The following KIFC3 variants were observed in gnomAD, a reference collection of about 807,000 sequenced individuals.
KIFC3 encodes the protein kinesin-like protein KIFC3.
A neutral mutation model predicts 101.8 loss-of-function variants in KIFC3; 60 were observed. That is an observed-to-expected ratio of 0.59 (90% CI 0.48 to 0.73). The LOEUF (loss-of-function observed/expected upper bound fraction) is 0.73. Ranked by LOEUF, KIFC3 falls within the 30% of genes least tolerant of loss-of-function variation. KIFC3 has a pLI of 0.00. For synonymous variants in KIFC3, 476 were observed against 482.7 expected (o/e 0.99, Z 0.18); for missense variants, 966 against 1,137.1 (o/e 0.85, Z 2.16).
At chr16:57,857,156 T>C (rs368696039) in intron 1 of KIFC3, among the ~76,000 whole-genome samples, 1 of 152,176 alleles carries the variant, frequency 6.6e-6, no homozygotes, top group African/African-American at 2.4e-5. Flanking sequence ...TCTCCCTGTG[T>C]GCTGTGTGTC....
chr16:57,862,853 T>C, exon 1 of KIFC3: 1 of 1,217,896 alleles, frequency 8.2e-7, no homozygotes, highest in Non-Finnish European at 1.1e-6. Flanking sequence ...AGCAATACGT[T>C]TTACTGGGTT....
intron 1 of KIFC3, among the ~76,000 whole-genome samples, chr16:57,854,815 G>A (rs79083682): frequency 6.6e-6 from 1 of 152,064 alleles, no homozygotes; most frequent in Non-Finnish European, 1.5e-5. Context: ...ATCATATAAA[G>A]TTATTCCCTG....
chr16:57,785,530 G>C, intron 3 of KIFC3: 1 of 1,289,404 alleles, frequency 7.8e-7, no homozygotes, highest in Non-Finnish European at 1.0e-6. Flanking sequence ...TCTCCTGTAG[G>C]ACCACCAGCT....
chr16:57,780,044 T>C (rs2052541096), intron 3 of KIFC3: 1 of 152,082 alleles, frequency 6.6e-6, no homozygotes, highest in Non-Finnish European at 1.5e-5. Flanking sequence ...TCACAAGAAC[T>C]GCATGGAGGA....
intron 3 of KIFC3, chr16:57,774,925 GC>G: frequency 3.4e-6 from 5 of 1,467,256 alleles, no homozygotes; most frequent in Non-Finnish European, 3.6e-6. Context: ...CTCCTTCCAC[GC>G]CCCCTCCCTC....
chr16:57,773,859 G>C (rs1555610285), intron 3 of KIFC3: 1 of 151,986 alleles, frequency 6.6e-6, no homozygotes, highest in African/African-American at 2.4e-5. Context: ...CAGGGTGGGA[G>C]AGAACGGCTG....
Position 57,833,292 on chromosome 16 carries a change from G to T in KIFC3, c.108+29437C>A, listed in dbSNP as rs141129365. ...TTCCTATCTTGTATAAGATGTAGTT[G>T]CAGGGTGGAGGTAAATAGTGATGGC... On this transcript the variant is annotated intron_variant, in intron 1 of 2. Coordinates refer to the KIFC3 transcript ENST00000563028. 9.7e-4 allele frequency among the ~76,000 whole-genome samples: 148 copies of T among 152,242 alleles called. 1 individual carries two copies. The East Asian group carries it at 0.019, about 19-fold the overall frequency.
At chr16:57,778,957 CTG>C (rs1314894314) in intron 3 of KIFC3, among the ~76,000 whole-genome samples, 1 of 152,188 alleles carries the variant, frequency 6.6e-6, no homozygotes, top group Non-Finnish European at 1.5e-5. Context: ...TATGGAGAAA[CTG>C]GAACCCGTGT....
chr16:57,828,691 A>T (rs1246082836), intron 1 of KIFC3, among the ~76,000 whole-genome samples: 2 of 152,210 alleles, frequency 1.3e-5, no homozygotes, highest in African/African-American at 4.8e-5. Flanking sequence ...TGGAGCAGGA[A>T]GCAGGGCTGA....
chr16:57,829,464 A>G (rs1222622826), intron 1 of KIFC3, among the ~76,000 whole-genome samples: 1 of 152,212 alleles, frequency 6.6e-6, no homozygotes, highest in Admixed American at 6.5e-5. Flanking sequence ...TATGTTGCCC[A>G]GGCTGGTCTT....
chr16:57,830,208 TCTGA>T (rs782503086), intron 1 of KIFC3, among the ~76,000 whole-genome samples: 12 of 151,500 alleles, frequency 7.9e-5, no homozygotes, highest in African/African-American at 2.2e-4. Context: ...ACCTTACCTC[TCTGA>T]CTGTTTTCCT....
chr16:57,786,276 G>A (rs2053312772), intron 3 of KIFC3, among the ~76,000 whole-genome samples: 1 of 152,234 alleles, frequency 6.6e-6, no homozygotes, highest in Admixed American at 6.5e-5. Flanking sequence ...TCCCAGGCAA[G>A]AGAGAGGGAA....
chr16:57,769,235 C>G lies in KIFC3; in HGVS notation c.1218+360G>C, dbSNP rs1381676952. Among the ~76,000 whole-genome samples the G allele has an allele frequency of 6.6e-6, 1 of 152,116 alleles. No individual in the cohort carries two copies. Among genetic ancestry groups the G allele is most frequent in the Non-Finnish European group, 1.5e-5 (1 of 68,030 alleles). ...AATTTTAGTAGAGACGAAGTTTCGC[C>G]TTGTTGGCCAGGCTGGTCTCAAACT... On this transcript the variant is annotated intron_variant, in intron 9 of 19. Transcript: ENST00000445690. The surrounding 1 kb of genome is among the most constrained non-coding windows in gnomAD (Gnocchi z 4.3).
At chr16:57,761,005 G>T (rs782074057) in intron 15 of KIFC3, 37 bp downstream of exon 15, 18 of 1,602,764 alleles carry the variant, frequency 1.1e-5, no homozygotes, top group Non-Finnish European at 1.4e-5. Context: ...CCTTGGGGTT[G>T]TGGGGATCCT....
intron 1 of KIFC3, 87 bp from the exon 2 acceptor site, chr16:57,798,369 T>C: frequency 8.2e-7 from 1 of 1,216,854 alleles, no homozygotes; most frequent in Non-Finnish European, 1.2e-6. Context: ...TGGAAGGGTC[T>C]ACGCCCCACC....
intron 3 of KIFC3, chr16:57,788,475 G>A (rs184491523): frequency 2.4e-5 from 26 of 1,094,664 alleles, no homozygotes; most frequent in Middle Eastern, 3.4e-4. Flanking sequence ...ACCTCCAGCC[G>A]GGGAGGACAG....
chr16:57,855,755 G>T (rs1331373042), intron 1 of KIFC3, among the ~76,000 whole-genome samples: 1 of 152,002 alleles, frequency 6.6e-6, no homozygotes, highest in East Asian at 1.9e-4. Context: ...AGACCAGCCT[G>T]GCCAACATGG....
At chr16:57,829,043 C>A (rs1555478743) in intron 1 of KIFC3, among the ~76,000 whole-genome samples, 14 of 152,070 alleles carry the variant, frequency 9.2e-5, no homozygotes. Context: ...CCAGTAGGTA[C>A]AATAGGCACA....
chr16:57,759,298 C>A lies in KIFC3; in HGVS notation c.2477-145G>T, dbSNP rs1358174778. 1.9e-5 allele frequency: 19 copies of A among 985,094 alleles called. No homozygotes were observed. The African/African-American group carries it at 2.9e-4, about 15-fold the overall frequency. The allele number at this position is 985,094 out of a possible 1,614,324, so 61.0% of individuals were successfully genotyped here. A position where few individuals can be genotyped will look rare whatever the true frequency, so the allele number is the denominator to read the frequency against. On this transcript the variant is annotated intron_variant, in intron 18 of 19. Transcript: ENST00000445690. Reference sequence around the variant, plus strand: ...CTAAACAGGGGCTGGAGCCCTGGGTCCCGGTCCTGTGGCGGGGCTCACTCC... The same window carrying A: ...CTAAACAGGGGCTGGAGCCCTGGGTACCGGTCCTGTGGCGGGGCTCACTCC...
Sources: allele counts gnomAD v4.1 joint callset (sites outside exome capture counted in the v4.1 genomes callset), GRCh38; gene constraint gnomAD v4.1.1; non-coding constraint Gnocchi (gnomAD v3.1); transcripts MANE v1.5; gene names NCBI Gene and HGNC (gene_info 2026-07-23, HGNC 2026-07-21).